The following AHI1 variants were observed in gnomAD, a reference collection of about 807,000 sequenced individuals.
AHI1 encodes jouberin.
In AHI1, 123 loss-of-function variants were observed where a neutral mutation model predicts 149.3. The observed-to-expected ratio is 0.82, with a 90% CI of 0.71 to 0.96. The LOEUF is 0.96. Among genes scored for constraint, AHI1 ranks in the 40% least tolerant of loss-of-function variants. AHI1 has a pLI of 0.00. For synonymous variants in AHI1, 475 were observed against 459.8 expected, an observed-to-expected ratio of 1.03 and a Z score of -0.42; for missense variants, 1,439 against 1,422.7, an observed-to-expected ratio of 1.01 and a Z score of -0.18.
chr6:135,352,431 C>T (rs754121555), intron 24 of AHI1, among the ~76,000 whole-genome samples: 5 of 152,042 alleles, frequency 3.3e-5, no homozygotes, highest in Admixed American at 1.3e-4. Context: ...TCTAGCAAAA[C>T]GCATTCTTTT....
At chr6:135,303,359 C>T (rs1484562288) in intron 26 of AHI1, among the ~76,000 whole-genome samples, 1 of 152,190 alleles carries the variant, frequency 6.6e-6, no homozygotes, top group East Asian at 1.9e-4. Flanking sequence ...TCTATTTTTA[C>T]ATGCGGCTTA....
At chr6:135,426,380 G>A (rs1783916274) in intron 20 of AHI1, among the ~76,000 whole-genome samples, 1 of 151,586 alleles carries the variant, frequency 6.6e-6, no homozygotes, top group African/African-American at 2.4e-5. Context: ...AATCCACACT[G>A]TGATCAAGAA....
intron 23 of AHI1, among the ~76,000 whole-genome samples, chr6:135,383,486 C>T (rs1445348142): frequency 3.3e-5 from 5 of 151,656 alleles, no homozygotes; most frequent in African/African-American, 7.3e-5. Flanking sequence ...AATCACCTGA[C>T]GGGATTACAT....
At chr6:135,390,275 A>C (rs144574912) in intron 23 of AHI1, among the ~76,000 whole-genome samples, 87 of 152,350 alleles carry the variant, frequency 5.7e-4, no homozygotes, top group African/African-American at 2.1e-3. Context: ...GCCTTAAAAA[A>C]GTCTAACAAT....
At chr6:135,492,123 T>A (rs978745841) in intron 4 of AHI1, 105 bp downstream of exon 4, 25 of 749,336 alleles carry the variant, frequency 3.3e-5, no homozygotes, top group Middle Eastern at 3.9e-4. Flanking sequence ...GTCAATGACA[T>A]CTACTGTATT....
chr6:135,301,697 G>A, intron 26 of AHI1: 1 of 985,442 alleles, frequency 1.0e-6, no homozygotes, highest in African/African-American at 1.7e-5. Context: ...AAAGGTGAGT[G>A]TTGCAACAGG....
chr6:135,348,724 A>G (rs1791622063), intron 24 of AHI1, among the ~76,000 whole-genome samples: 1 of 152,176 alleles, frequency 6.6e-6, no homozygotes, highest in Non-Finnish European at 1.5e-5. Flanking sequence ...AGTTGAAAAA[A>G]TCAAGATTCA....
rs1792304289 is a variant in AHI1, at chr6:135,474,622, G to C, written c.136-6988C>G. 2.0e-5 allele frequency: 3 copies of C among 151,976 alleles called. No homozygotes were observed. The South Asian group carries it at 6.2e-4, about 32-fold the overall frequency. 9.4% of individuals were successfully genotyped at this position (151,976 alleles called of 1,614,324 possible). On this transcript the variant is annotated intron_variant, in intron 5 of 28. Coordinates refer to ENST00000265602, the MANE Select transcript of AHI1 (RefSeq NM_001134831.2). Reference sequence around the variant, plus strand: ...CCTTAGACAAGTCTCATCTATTGCTGGTTTAAGAATGAGTAATAAATGTTG... The same window carrying C: ...CCTTAGACAAGTCTCATCTATTGCTCGTTTAAGAATGAGTAATAAATGTTG...
intron 27 of AHI1, 30 bp downstream of exon 27, chr6:135,300,470 A>T: frequency 6.4e-7 from 1 of 1,567,102 alleles, no homozygotes; most frequent in South Asian, 1.2e-5. Flanking sequence ...ACCATTTATC[A>T]CTGCAAATTA....
chr6:135,405,058 C>G (rs1780562085), intron 21 of AHI1, 81 bp from the exon 22 acceptor site: 2 of 1,167,920 alleles, frequency 1.7e-6, no homozygotes, highest in African/African-American at 1.5e-5. Flanking sequence ...AGATGTTTAT[C>G]TTCTAATAAC....
At chr6:135,339,651 G>T (rs1265270247) in intron 24 of AHI1, among the ~76,000 whole-genome samples, 1 of 152,216 alleles carries the variant, frequency 6.6e-6, no homozygotes, top group East Asian at 1.9e-4. Flanking sequence ...AAGGAAAATA[G>T]AATGAACAAA....
At chr6:135,453,958 A>T (rs1193284814) in intron 10 of AHI1, among the ~76,000 whole-genome samples, 4 of 152,104 alleles carry the variant, frequency 2.6e-5, no homozygotes, top group African/African-American at 9.7e-5. Context: ...TGCCACAGAG[A>T]TCGTATTCTA....
chr6:135,316,492 G>C (rs1160911209), intron 26 of AHI1, among the ~76,000 whole-genome samples: 1 of 152,106 alleles, frequency 6.6e-6, no homozygotes, highest in East Asian at 1.9e-4. Flanking sequence ...CAAATGCTTC[G>C]ACAACCTAAC....
chr6:135,301,694 A>AC, intron 26 of AHI1: 2 of 985,460 alleles, frequency 2.0e-6, no homozygotes, highest in Non-Finnish European at 2.4e-6. Flanking sequence ...GTGAAAGGTG[A>AC]GTGTTGCAAC....
intron 5 of AHI1, among the ~76,000 whole-genome samples, chr6:135,484,582 A>G (rs1794195404): frequency 6.6e-6 from 1 of 152,048 alleles, no homozygotes; most frequent in Admixed American, 6.5e-5. Flanking sequence ...ACTTACTCAT[A>G]ATTTTGTTCC....
At chr6:135,383,226 CTTTT>C (rs764546253) in intron 23 of AHI1, among the ~76,000 whole-genome samples, 12 of 76,866 alleles carry the variant, frequency 1.6e-4, no homozygotes, top group Middle Eastern at 0.019. Context: ...TCCCCCCTCC[CTTTT>C]TTTTTTTTTT....
At position 135,496,211 on chromosome 6, in the gene AHI1, G is replaced by C. The variant is rs868677425; in HGVS notation, c.-139-313C>G. Among the ~76,000 whole-genome samples the C allele has an allele frequency of 3.6e-4, 55 of 151,980 alleles. 1 individual carries two copies. Among genetic ancestry groups the C allele is most frequent in the African/African-American group, 1.3e-3 (53 of 41,354 alleles). On this transcript the variant is annotated intron_variant, in intron 2 of 28. Transcript: ENST00000265602. ...AGCTCACTGCTGCCTCCGCCTCCTG[G>C]GTTCAAGCAATTCACCTGCCTCAGC...
chr6:135,423,963 T>G (rs73562018), intron 20 of AHI1, among the ~76,000 whole-genome samples: 1,783 of 152,178 alleles, frequency 0.012, 41 homozygotes, highest in African/African-American at 0.041. Flanking sequence ...GCATATTTAT[T>G]ATGTGTCAGT....
chr6:135,353,522 A>T (rs1418843836), intron 24 of AHI1, among the ~76,000 whole-genome samples: 2 of 152,168 alleles, frequency 1.3e-5, no homozygotes, highest in Non-Finnish European at 2.9e-5. Context: ...TTAAAATATG[A>T]AACAGCCATA....
Sources: gnomAD v4.1 joint callset for allele counts (sites outside exome capture counted in the v4.1 genomes callset) on GRCh38, gnomAD v4.1.1 for gene constraint, MANE v1.5 for transcripts, NCBI Gene and HGNC (gene_info 2026-07-23, HGNC 2026-07-21) for gene names.